GAS7: variants seen among roughly 807,000 people sequenced by gnomAD.
The protein encoded by GAS7 is growth arrest specific 7, also known as growth arrest-specific protein 7.
Under a neutral mutation model 71.1 loss-of-function variants are expected in GAS7, and 28 were observed. The ratio of observed to expected loss-of-function variants is 0.39; its 90% CI spans 0.29 to 0.54. The LOEUF is 0.54. Ranked by LOEUF, GAS7 falls within the 20% of genes least tolerant of loss-of-function variation. The pLI is 0.62. For missense variants in GAS7, 436 were observed against 627.8 expected, an observed-to-expected ratio of 0.69 and a Z score of 3.27; for synonymous variants, 258 against 245.8, an observed-to-expected ratio of 1.05 and a Z score of -0.46.
intron 1 of GAS7, among the ~76,000 whole-genome samples, chr17:10,148,216 T>G (rs2074135792): frequency 6.6e-6 from 1 of 152,204 alleles, no homozygotes; most frequent in African/African-American, 2.4e-5. Context: ...TGTTGGAGGT[T>G]ATTTTTGTGG....
At chr17:10,040,317 C>T (rs1168796285) in intron 1 of GAS7, among the ~76,000 whole-genome samples, 1 of 152,034 alleles carries the variant, frequency 6.6e-6, no homozygotes, top group Non-Finnish European at 1.5e-5. Flanking sequence ...CAGGTGGATC[C>T]ATTCATTAGA....
intron 1 of GAS7, among the ~76,000 whole-genome samples, chr17:10,191,457 C>G (rs891580604): frequency 6.7e-6 from 1 of 149,382 alleles, no homozygotes; most frequent in Non-Finnish European, 1.5e-5. Context: ...ATAGTCCAAG[C>G]TACTTGGAGG....
At chr17:10,030,219 GC>G (rs2072580637) in intron 1 of GAS7, among the ~76,000 whole-genome samples, 1 of 152,212 alleles carries the variant, frequency 6.6e-6, no homozygotes. Context: ...CCCCGAGGGG[GC>G]AGTCAGCTTC....
Position 9,925,564 on chromosome 17 carries a change from C to T in GAS7, c.1050G>A (p.Leu350=). 6.2e-7 allele frequency: 1 copy of T among 1,614,182 alleles called. No individual in the cohort carries two copies. Among genetic ancestry groups the T allele is most frequent in the Non-Finnish European group, 8.5e-7 (1 of 1,180,004 alleles). ...TCTCCAGCTGCTGGGTCTTCATCTC[C>T]AGGTCTCTCTGCCGCTCTGTGAGGG... ...RKALTERQRD[L]EMKTQQLEIK... The change falls in exon 11 of 14, where the codon CTG becomes CTA. Residue 350 remains leucine (L), a synonymous_variant. Coordinates refer to ENST00000432992, the MANE Select transcript of GAS7 (RefSeq NM_201433.2).
At chr17:10,090,963 T>C (rs2024948480) in intron 1 of GAS7, among the ~76,000 whole-genome samples, 1 of 151,916 alleles carries the variant, frequency 6.6e-6, no homozygotes, top group African/African-American at 2.4e-5. Flanking sequence ...CAAGAAGGCT[T>C]TTCTCTCCCC....
At chr17:10,183,099 C>T (rs1376428384) in intron 1 of GAS7, among the ~76,000 whole-genome samples, 6 of 151,824 alleles carry the variant, frequency 4.0e-5, no homozygotes, top group Non-Finnish European at 8.8e-5. Context: ...CTTGCTTTCA[C>T]TTGTAGGACC....
chr17:9,921,888 G>A (rs1029352686), intron 11 of GAS7, among the ~76,000 whole-genome samples: 26 of 151,292 alleles, frequency 1.7e-4, no homozygotes, highest in Non-Finnish European at 3.4e-4. Context: ...GAACCAGGGA[G>A]GCGGAGCTTG....
chr17:10,147,333 G>A (rs1206877324), intron 1 of GAS7, among the ~76,000 whole-genome samples: 1 of 152,214 alleles, frequency 6.6e-6, no homozygotes, highest in Admixed American at 6.5e-5. Flanking sequence ...GGTGGGGGCA[G>A]AGGGTGGCGT....
At chr17:10,051,950 G>C (rs2073067979) in intron 1 of GAS7, among the ~76,000 whole-genome samples, 2 of 152,048 alleles carry the variant, frequency 1.3e-5, no homozygotes, top group African/African-American at 4.8e-5. Flanking sequence ...GTAGCTAAAG[G>C]ACTACTGTGG....
intron 1 of GAS7, among the ~76,000 whole-genome samples, chr17:10,184,197 T>C (rs2074436326): frequency 1.3e-5 from 2 of 152,182 alleles, no homozygotes; most frequent in African/African-American, 4.8e-5. Flanking sequence ...TCCTGGTTCA[T>C]ACTGCAGTCC....
chr17:10,118,403 C>A (rs1300075308), intron 1 of GAS7, among the ~76,000 whole-genome samples: 1 of 152,120 alleles, frequency 6.6e-6, no homozygotes, highest in Non-Finnish European at 1.5e-5. Flanking sequence ...CACTGCCCTG[C>A]CAGTCAATTC....
At chr17:10,179,325 C>T (rs1373280025) in intron 1 of GAS7, among the ~76,000 whole-genome samples, 1 of 151,250 alleles carries the variant, frequency 6.6e-6, no homozygotes. Flanking sequence ...ATGAGTGAAA[C>T]TCCATCTCAA....
At position 9,919,917 on chromosome 17, in the gene GAS7, C is replaced by A. The variant is rs1021366141; in HGVS notation, c.1139-212G>T. Among the ~76,000 whole-genome samples, 5 of 151,930 alleles carry A rather than the reference C, an allele frequency of 3.3e-5. No individual in the cohort carries two copies. Among genetic ancestry groups the A allele is most frequent in the Admixed American group, 6.6e-5 (1 of 15,250 alleles). The stretch of plus-strand genomic sequence containing the variant: ...CCCCATGAGAACCCAGCTCAGGTGT[C>A]CCCCTGAAGCCTGACCCCAGATACC... On this transcript the variant is annotated intron_variant, in intron 11 of 13. Coordinates refer to ENST00000432992, the MANE Select transcript of GAS7 (RefSeq NM_201433.2). The surrounding 1 kb of genome is among the most constrained non-coding windows in gnomAD (Gnocchi z 5.0).
chr17:10,013,652 T>A (rs1258794597), intron 2 of GAS7, among the ~76,000 whole-genome samples: 1 of 152,236 alleles, frequency 6.6e-6, no homozygotes, highest in Non-Finnish European at 1.5e-5. Context: ...CCACTGAAAC[T>A]TCCTGTTAGC....
intron 5 of GAS7, among the ~76,000 whole-genome samples, chr17:9,953,789 C>A (rs1337154001): frequency 6.6e-6 from 1 of 152,240 alleles, no homozygotes; most frequent in Admixed American, 6.5e-5. Flanking sequence ...CTCCTCCTTG[C>A]CAGACAGCCT....
chr17:10,169,273 A>G (rs1024758826), intron 1 of GAS7, among the ~76,000 whole-genome samples: 3 of 152,178 alleles, frequency 2.0e-5, no homozygotes, highest in African/African-American at 7.2e-5. Context: ...ACTCAAAAAA[A>G]AAAATTAATT....
chr17:10,133,709 A>T (rs1456294048), intron 1 of GAS7, among the ~76,000 whole-genome samples: 1 of 60,890 alleles, frequency 1.6e-5, no homozygotes, highest in Non-Finnish European at 3.3e-5. Flanking sequence ...GCCCCACCCC[A>T]CCCAGCCCCT....
At chr17:10,024,569 T>C (rs1160691559) in intron 1 of GAS7, among the ~76,000 whole-genome samples, 2 of 152,162 alleles carry the variant, frequency 1.3e-5, no homozygotes, top group Non-Finnish European at 2.9e-5. Context: ...TCAGAAATTC[T>C]TTACCTAATA....
intron 1 of GAS7, among the ~76,000 whole-genome samples, chr17:10,091,866 T>TAG (rs2152256405): frequency 6.6e-6 from 1 of 152,102 alleles, no homozygotes; most frequent in Non-Finnish European, 1.5e-5. Flanking sequence ...AATTTTTTTG[T>TAG]AGAGAGAGGG....
Sources: allele counts gnomAD v4.1 joint callset (sites outside exome capture counted in the v4.1 genomes callset), GRCh38; gene constraint gnomAD v4.1.1; non-coding constraint Gnocchi (gnomAD v3.1); transcripts MANE v1.5; gene names NCBI Gene and HGNC (gene_info 2026-07-23, HGNC 2026-07-21).